Variants in DCC observed in about 807,000 individuals in gnomAD.
The protein encoded by DCC is DCC netrin 1 receptor, also known as netrin receptor DCC.
In DCC, 58 loss-of-function variants were observed where a neutral mutation model predicts 172.5. That is an observed-to-expected ratio of 0.34 (90% confidence interval 0.27 to 0.42). The LOEUF (loss-of-function observed/expected upper bound fraction) is 0.42. Ranked by LOEUF, DCC falls within the 10% of genes least tolerant of loss-of-function variation. The pLI is 1.00. For synonymous variants in DCC, 709 were observed against 644.5 expected (o/e 1.10, Z -1.52); for missense variants, 1,740 against 1,791.0 (o/e 0.97, Z 0.51).
chr18:53,215,493 A>G, intron 11 of DCC, 55 bp from the exon 12 acceptor site: 1 of 1,375,962 alleles, frequency 7.3e-7, no homozygotes, highest in Non-Finnish European at 1.0e-6. Context: ...GACAGGTGGT[A>G]TTTTTCTTTC....
In DCC at chr18:53,339,693, T is replaced by A; in HGVS notation, c.2165-20T>A. 1.2e-6 allele frequency: 2 copies of A among 1,604,082 alleles called. No homozygotes were observed. The highest frequency in any genetic ancestry group is 1.7e-6 in the Non-Finnish European group (2 of 1,170,922). On this transcript the variant is annotated intron_variant, in intron 14 of 28. Transcript: ENST00000442544. The stretch of plus-strand genomic sequence containing the variant: ...TTTCTGTTATGAGACATGCTGATGA[T>A]GCCTCTTTTTGAATGCTAGAATCTC...
At chr18:53,482,885 CTTA>C (rs1166828416) in intron 25 of DCC, among the ~76,000 whole-genome samples, 1 of 151,696 alleles carries the variant, frequency 6.6e-6, no homozygotes, top group Non-Finnish European at 1.5e-5. Flanking sequence ...TCTGGTATGG[CTTA>C]TATTTACAAA....
chr18:52,694,446 G>T (rs554052660), intron 1 of DCC, among the ~76,000 whole-genome samples: 1 of 152,032 alleles, frequency 6.6e-6, no homozygotes, highest in Admixed American at 6.6e-5. Context: ...GGAAGGTGTT[G>T]GTCCAAATGG....
chr18:52,861,173 A>C (rs761523640), intron 2 of DCC, among the ~76,000 whole-genome samples: 19 of 152,196 alleles, frequency 1.2e-4, no homozygotes, highest in Non-Finnish European at 2.5e-4. Flanking sequence ...TCTGTTTTCT[A>C]GAGGTTTCAA....
chr18:52,421,194 T>C (rs1987235989), intron 1 of DCC, among the ~76,000 whole-genome samples: 1 of 152,152 alleles, frequency 6.6e-6, no homozygotes, highest in African/African-American at 2.4e-5. Flanking sequence ...ATTTAAATGC[T>C]AATGCAAATA....
At chr18:53,157,626 TCTA>T in intron 8 of DCC, 114 bp downstream of exon 8, 4 of 1,043,948 alleles carry the variant, frequency 3.8e-6, no homozygotes, top group Admixed American at 3.9e-5. Flanking sequence ...CTGTGAAATC[TCTA>T]CTATGTCCTT....
chr18:53,309,592 A>G (rs1171177094), intron 13 of DCC, among the ~76,000 whole-genome samples: 1 of 152,180 alleles, frequency 6.6e-6, no homozygotes, highest in South Asian at 2.1e-4. Flanking sequence ...TCAAAAATAA[A>G]TAATTCAGTT....
chr18:52,418,428 G>A (rs1987122794), intron 1 of DCC, among the ~76,000 whole-genome samples: 1 of 152,152 alleles, frequency 6.6e-6, no homozygotes, highest in African/African-American at 2.4e-5. Context: ...GCTGGAGCAG[G>A]CAGGGTGGCT....
In DCC at chr18:52,647,832, A is replaced by G. The variant is rs559031054; in HGVS notation, c.92-104222A>G. Among the ~76,000 whole-genome samples, 33 of 152,314 alleles carry G rather than the reference A, an allele frequency of 2.2e-4. No homozygotes were observed. The South Asian group carries it at 6.8e-3, about 32-fold the overall frequency. ...ACTGCTACGTTCAAGGGATCTTGCTATGTATTAGCAGGGAATCTGGGGAGT... is the reference window on the plus strand; with the variant it reads ...ACTGCTACGTTCAAGGGATCTTGCTGTGTATTAGCAGGGAATCTGGGGAGT... On this transcript the variant is annotated intron_variant, in intron 1 of 28. Coordinates refer to ENST00000442544, the MANE Select transcript of DCC (RefSeq NM_005215.4).
At chr18:52,820,333 T>C (rs1195305717) in intron 2 of DCC, among the ~76,000 whole-genome samples, 2 of 152,184 alleles carry the variant, frequency 1.3e-5, no homozygotes, top group Non-Finnish European at 2.9e-5. Flanking sequence ...TTGCCTAATG[T>C]GTATGTACAT....
intron 12 of DCC, among the ~76,000 whole-genome samples, chr18:53,278,351 T>A (rs1375946206): frequency 1.3e-5 from 2 of 152,118 alleles, no homozygotes; most frequent in Non-Finnish European, 2.9e-5. Context: ...TAGGGTAACA[T>A]TGACACAGCA....
intron 2 of DCC, among the ~76,000 whole-genome samples, chr18:52,797,409 A>T (rs1013761932): frequency 1.3e-5 from 2 of 152,206 alleles, no homozygotes; most frequent in African/African-American, 4.8e-5. Flanking sequence ...TTTGTAAGGA[A>T]AGATATTTTC....
At chr18:52,766,186 G>A (rs1053266037) in intron 2 of DCC, among the ~76,000 whole-genome samples, 2 of 152,188 alleles carry the variant, frequency 1.3e-5, no homozygotes, top group Non-Finnish European at 1.5e-5. Context: ...GCGCACAAGC[G>A]AGCAGGTACA....
At position 53,500,860 on chromosome 18, in the gene DCC, C is replaced by T. The variant is rs552403867; in HGVS notation, c.4111+1350C>T. Among the ~76,000 whole-genome samples, 3 of 152,140 alleles carry T rather than the reference C, an allele frequency of 2.0e-5. No individual in the cohort carries two copies. In the East Asian group the frequency reaches 5.8e-4, roughly 29 times the overall value. On this transcript the variant is annotated intron_variant, in intron 27 of 28. Coordinates refer to ENST00000442544, the MANE Select transcript of DCC (RefSeq NM_005215.4). ...AGCCCACATAGGGACTTAAAAAGGTCTGTATTGCCCAAGCCCCTCTCTCCA... is the reference window on the plus strand; with the variant it reads ...AGCCCACATAGGGACTTAAAAAGGTTTGTATTGCCCAAGCCCCTCTCTCCA...
Position 53,157,349 on chromosome 18 carries a change from T to G in DCC, c.1262-7T>G, listed in dbSNP as rs1463990653. On this transcript the variant is annotated splice_polypyrimidine_tract_variant and splice_region_variant and intron_variant, in intron 7 of 28. Transcript: ENST00000442544. Reference sequence around the variant, plus strand: ...ACCTCTGATAGCCTCCTCTTCTTTCTCCTTAGCTATCCCAAGCTCCAGTGT... The same window carrying G: ...ACCTCTGATAGCCTCCTCTTCTTTCGCCTTAGCTATCCCAAGCTCCAGTGT... 1 of 1,613,936 alleles carries G rather than the reference T, an allele frequency of 6.2e-7. No homozygotes were observed. Among genetic ancestry groups the G allele is most frequent in the Non-Finnish European group, 8.5e-7 (1 of 1,179,960 alleles).
rs188171954 is a variant in DCC, at chr18:53,230,698, T to C, written c.1911+15101T>C. 1.5e-4 allele frequency among the ~76,000 whole-genome samples: 23 copies of C among 152,144 alleles called. No individual in the cohort carries two copies. In the East Asian group the frequency reaches 4.2e-3, roughly 28 times the overall value. On this transcript the variant is annotated intron_variant, in intron 12 of 28. Coordinates refer to ENST00000442544, the MANE Select transcript of DCC (RefSeq NM_005215.4). ...ATTTTTTCCCTTACTTTGAATTATA[T>C]GTAAAGGGAGCAAATGCTGGCCTTA... is the stretch of plus-strand genomic sequence containing the variant.
intron 15 of DCC, among the ~76,000 whole-genome samples, chr18:53,372,265 A>G (rs1427745524): frequency 6.6e-6 from 1 of 152,152 alleles, no homozygotes; most frequent in African/African-American, 2.4e-5. Flanking sequence ...GTACATATAC[A>G]TCGTGGAATA....
intron 2 of DCC, among the ~76,000 whole-genome samples, chr18:52,875,765 A>T (rs2145393371): frequency 6.6e-6 from 1 of 152,286 alleles, no homozygotes; most frequent in Non-Finnish European, 1.5e-5. Context: ...AATGAGCTAA[A>T]CCTTGTCAGA....
intron 16 of DCC, among the ~76,000 whole-genome samples, chr18:53,388,167 G>A (rs1908297110): frequency 6.6e-6 from 1 of 152,196 alleles, no homozygotes; most frequent in South Asian, 2.1e-4. Flanking sequence ...TCTTATTGGA[G>A]AAAAGCCAGT....
Sources: allele counts gnomAD v4.1 joint callset (sites outside exome capture counted in the v4.1 genomes callset), GRCh38; gene constraint gnomAD v4.1.1; transcripts MANE v1.5; gene names NCBI Gene and HGNC (gene_info 2026-07-23, HGNC 2026-07-21).